Variants in PGAP4 observed in about 807,000 individuals in gnomAD.
PGAP4 encodes post-GPI attachment to proteins GalNAc transferase 4, also known as GPI-N-acetylgalactosamine transferase PGAP4.
In PGAP4, 12 loss-of-function variants were observed where a neutral mutation model predicts 28.2. That is an observed-to-expected ratio of 0.42 (90% CI 0.27 to 0.69). The LOEUF is 0.69. PGAP4 is among the 30% of genes least tolerant of loss of function. The probability of loss-of-function intolerance (pLI) is 0.22; values close to 1 mark genes in which losing one functional copy is unlikely to be tolerated. For missense variants in PGAP4, 425 were observed against 513.5 expected, an observed-to-expected ratio of 0.83 and a Z score of 1.67; for synonymous variants, 205 against 211.8, an observed-to-expected ratio of 0.97 and a Z score of 0.28.
rs71356369 is a variant in PGAP4 at position 101,523,619 on chromosome 9, C to CTTTTTTTTTTTTTTTTTTTTTTTTTTTTT, written c.-165+7700_-165+7728dup. 8.4e-5 allele frequency among the ~76,000 whole-genome samples: 5 copies of CTTTTTTTTTTTTTTTTTTTTTTTTTTTTT among 59,344 alleles called. 2 individuals are homozygous for CTTTTTTTTTTTTTTTTTTTTTTTTTTTTT. Among genetic ancestry groups the CTTTTTTTTTTTTTTTTTTTTTTTTTTTTT allele is most frequent in the African/African-American group, 2.8e-4 (4 of 14,102 alleles). The allele number at this position is 59,344 out of a possible 152,430, so 38.9% of individuals were successfully genotyped here. On this transcript the variant is annotated intron_variant, in intron 2 of 3. Coordinates refer to the PGAP4 transcript ENST00000374851. Reference sequence around the variant, plus strand: ...ACATTTCTCCCCTCACTTCTTGTATCTTTTTTTTTTTTTTTTTTTTTTTTT... The same window carrying CTTTTTTTTTTTTTTTTTTTTTTTTTTTTT: ...ACATTTCTCCCCTCACTTCTTGTATCTTTTTTTTTTTTTTTTTTTTTTTTTTTTTTTTTTTTTTTTTTTTTTTTTTTTTT...
upstream of PGAP4, among the ~76,000 whole-genome samples, chr9:101,489,584 C>A (rs1239557690): frequency 6.6e-6 from 1 of 152,164 alleles, no homozygotes. Context: ...GGCAGTGAAC[C>A]TATGGTGACC....
chr9:101,501,090 T>G (rs1454124281), intron 2 of PGAP4, among the ~76,000 whole-genome samples: 1 of 152,134 alleles, frequency 6.6e-6, no homozygotes, highest in Admixed American at 6.6e-5. Flanking sequence ...ATTTGCTTTA[T>G]GTGAAATAGA....
chr9:101,496,202 G>T (rs1239114483), intron 2 of PGAP4, among the ~76,000 whole-genome samples: 1 of 151,406 alleles, frequency 6.6e-6, no homozygotes, highest in Non-Finnish European at 1.5e-5. Context: ...TGCCAGAAAA[G>T]CAGGGTTAAA....
intron 2 of PGAP4, among the ~76,000 whole-genome samples, chr9:101,514,743 C>T (rs1189191669): frequency 2.0e-5 from 3 of 152,140 alleles, no homozygotes; most frequent in African/African-American, 7.2e-5. Context: ...AATAAGGTGG[C>T]ACCTCTCTCA....
intron 2 of PGAP4, among the ~76,000 whole-genome samples, chr9:101,527,915 A>T (rs1020571186): frequency 5.3e-5 from 8 of 152,136 alleles, no homozygotes; most frequent in African/African-American, 1.7e-4. Context: ...TTGACTGCCC[A>T]TTGGGAAAGA....
chr9:101,494,797 G>C (rs1455314284), intron 2 of PGAP4, among the ~76,000 whole-genome samples: 1 of 151,560 alleles, frequency 6.6e-6, no homozygotes, highest in Non-Finnish European at 1.5e-5. Context: ...GTTTTCAGTT[G>C]ACAAGGAAAC....
intron 2 of PGAP4, among the ~76,000 whole-genome samples, chr9:101,517,692 A>G (rs373186416): frequency 5.5e-4 from 83 of 151,976 alleles, no homozygotes; most frequent in African/African-American, 1.9e-3. Flanking sequence ...GTAAGTTACT[A>G]TTGGGGCCCT....
chr9:101,513,889 G>A (rs890356434), intron 2 of PGAP4, among the ~76,000 whole-genome samples: 1 of 152,140 alleles, frequency 6.6e-6, no homozygotes, highest in Non-Finnish European at 1.5e-5. Context: ...CTGAGCACCT[G>A]GGAGGCCACT....
intron 1 of PGAP4, among the ~76,000 whole-genome samples, chr9:101,480,338 G>C (rs1826446856): frequency 6.6e-6 from 1 of 151,678 alleles, no homozygotes; most frequent in African/African-American, 2.4e-5. Flanking sequence ...GACCCAGGCA[G>C]ATAGAACTGT....
chr9:101,496,092 A>G (rs1466765955), intron 2 of PGAP4, among the ~76,000 whole-genome samples: 2 of 151,556 alleles, frequency 1.3e-5, no homozygotes, highest in African/African-American at 4.8e-5. Context: ...GGTTATATGG[A>G]ACAATTTAGG....
At chr9:101,506,538 A>AGG (rs1826850355) in intron 2 of PGAP4, among the ~76,000 whole-genome samples, 1 of 152,048 alleles carries the variant, frequency 6.6e-6, no homozygotes, top group South Asian at 2.1e-4. Context: ...TCTAACAGAG[A>AGG]CTTGACTCTG....
intron 2 of PGAP4, among the ~76,000 whole-genome samples, chr9:101,519,550 C>T (rs1826969297): frequency 6.6e-6 from 1 of 152,064 alleles, no homozygotes; most frequent in Admixed American, 6.6e-5. Context: ...TTTTCTCCCA[C>T]TCTGTGGGTG....
chr9:101,528,989 T>A (rs755778131), intron 2 of PGAP4, among the ~76,000 whole-genome samples: 1 of 151,974 alleles, frequency 6.6e-6, no homozygotes, highest in African/African-American at 2.4e-5. Flanking sequence ...TCTCTCTCTC[T>A]CTGTGTCCAT....
rs1201736151 is a variant in PGAP4, at chr9:101,476,848, T to G, written c.245A>C (p.Glu82Ala). The G allele has an allele frequency of 1.9e-6, 3 of 1,608,808 alleles. No homozygotes were observed. The highest frequency in any genetic ancestry group is 1.7e-5 in the Admixed American group (1 of 59,762). The change falls in exon 2 of 2, where the codon GAG (glutamate) becomes GCG (alanine). Residue 82 changes from glutamate (E) to alanine (A), a missense_variant. Transcript: ENST00000374848. The surrounding 1 kb of genome is among the most constrained non-coding windows in gnomAD (Gnocchi z 7.0). ...CACTGAGCCATTGGCAGAGGGAAGC[T>G]CCTCAAAATAGTGGAGGGCAGCCTC... Reference protein sequence around the residue: ...EGEAALHYFEELPSANGSVPI... With the variant: ...EGEAALHYFEALPSANGSVPI...
rs1408469073 is a variant in PGAP4, at chr9:101,474,174, T to C, written c.*1707A>G. 6.6e-6 allele frequency: 1 copy of C among 152,226 alleles called. No individual in the cohort carries two copies. The highest frequency in any genetic ancestry group is 2.4e-5 in the African/African-American group (1 of 41,472). The allele number at this position is 152,226 out of a possible 1,614,324, so 9.4% of individuals were successfully genotyped here. ...AAGAGCTCCGTTCCCATTTTGGCTA[T>C]GCTGCTGTTCAGGTTTGTGACCTGC... is the stretch of plus-strand genomic sequence containing the variant. On this transcript the variant is annotated 3_prime_UTR_variant, in exon 2 of 2. Transcript: ENST00000374848.
At chr9:101,529,418 G>A (rs1827066588) in intron 2 of PGAP4, among the ~76,000 whole-genome samples, 1 of 152,192 alleles carries the variant, frequency 6.6e-6, no homozygotes, top group South Asian at 2.1e-4. Context: ...GCCTCCCAAA[G>A]TGCTGGGATT....
intron 2 of PGAP4, among the ~76,000 whole-genome samples, chr9:101,497,022 G>C (rs1247487755): frequency 1.3e-5 from 2 of 150,474 alleles, no homozygotes; most frequent in Non-Finnish European, 3.0e-5. Flanking sequence ...CCTTAAATTT[G>C]AGTGAAAACT....
chr9:101,507,485 C>T (rs1826857501), intron 2 of PGAP4, among the ~76,000 whole-genome samples: 1 of 151,982 alleles, frequency 6.6e-6, no homozygotes, highest in South Asian at 2.1e-4. Flanking sequence ...GTCTGTGAGT[C>T]CCTAATATTT....
At position 101,475,918 on chromosome 9, in the gene PGAP4, G is replaced by A. The variant is rs1826286938; in HGVS notation, c.1175C>T (p.Ser392Phe). The A allele has an allele frequency of 1.9e-6, 3 of 1,614,224 alleles. No individual in the cohort carries two copies. Among genetic ancestry groups the A allele is most frequent in the South Asian group, 1.1e-5 (1 of 91,082 alleles). Residue 392 changes from serine (S) to phenylalanine (F), a missense_variant, in exon 2 of 2, where the codon TCC (serine) becomes TTC (phenylalanine). By Grantham distance (155) the Ser-to-Phe change is radical. Transcript: ENST00000374848. ...GGGATGAAAGTTGTACCGGAGACTG[G>A]AGAAGAGCCCGATGTGTTTCACGAG... is the stretch of plus-strand genomic sequence containing the variant. ...PNLVKHIGLF[S>F]SLRYNFHPSL...
Sources: gnomAD v4.1 joint callset for allele counts (sites outside exome capture counted in the v4.1 genomes callset) on GRCh38, gnomAD v4.1.1 for gene constraint, Gnocchi (gnomAD v3.1) non-coding constraint, MANE v1.5 for transcripts, NCBI Gene and HGNC (gene_info 2026-07-23, HGNC 2026-07-21) for gene names.